RTN1: variants seen among roughly 807,000 people sequenced by gnomAD.
RTN1 encodes reticulon 1, also known as reticulon-1.
Under a neutral mutation model 65.5 loss-of-function variants are expected in RTN1, and 25 were observed. That is an observed-to-expected ratio of 0.38 (90% CI 0.28 to 0.53). The LOEUF is 0.53. RTN1 is among the 20% of genes least tolerant of loss of function. The probability of loss-of-function intolerance (pLI) is 0.79; values close to 1 mark genes in which losing one functional copy is unlikely to be tolerated. For synonymous variants in RTN1, 471 were observed against 447.6 expected (o/e 1.05, Z -0.66); for missense variants, 983 against 1,025.4 (o/e 0.96, Z 0.57).
In RTN1 at chr14:59,727,402, G is replaced by A; in HGVS notation, c.1282C>T (p.Pro428Ser). 6.5e-7 allele frequency: 1 copy of A among 1,546,176 alleles called. No individual in the cohort carries two copies. Among genetic ancestry groups the A allele is most frequent in the Non-Finnish European group, 8.7e-7 (1 of 1,145,992 alleles). Reference protein sequence around the residue: ...EDPMAAEDALPSGYVSFGHVG... With the variant: ...EDPMAAEDALSSGYVSFGHVG... ...TGGCCAAAGCTCACATAGCCTGAGG[G>A]CAGCGCGTCCTCCGCGGCCATGGGG... Residue 428 changes from proline to serine, a missense_variant, in exon 3 of 9, where the codon CCC (proline) becomes TCC (serine). Physicochemically the swap from Pro to Ser is moderately conservative, Grantham distance 74. Coordinates refer to ENST00000267484, the MANE Select transcript of RTN1 (RefSeq NM_021136.3). The surrounding 1 kb of genome is among the most constrained non-coding windows in gnomAD (Gnocchi z 4.2).
intron 3 of RTN1, among the ~76,000 whole-genome samples, chr14:59,720,748 G>A (rs949712159): frequency 6.6e-6 from 1 of 151,716 alleles, no homozygotes; most frequent in Non-Finnish European, 1.5e-5. Context: ...ATACTCTAAG[G>A]TGGAAAATCG....
intron 2 of RTN1, among the ~76,000 whole-genome samples, chr14:59,730,200 T>C (rs2139483439): frequency 6.6e-6 from 1 of 152,344 alleles, no homozygotes; most frequent in Non-Finnish European, 1.5e-5. Flanking sequence ...TGAATGCATG[T>C]CTATTTCATG....
At chr14:59,632,985 C>G (rs1882587829) in intron 3 of RTN1, among the ~76,000 whole-genome samples, 1 of 152,106 alleles carries the variant, frequency 6.6e-6, no homozygotes, top group Non-Finnish European at 1.5e-5. Flanking sequence ...ACCTGTACTC[C>G]TAGCTACTTG....
At chr14:59,633,601 G>A (rs541723447) in intron 3 of RTN1, among the ~76,000 whole-genome samples, 161 of 152,342 alleles carry the variant, frequency 1.1e-3, no homozygotes, top group African/African-American at 3.7e-3. Context: ...TCCTTAAGTG[G>A]TGAAAGAAAA....
intron 1 of RTN1, among the ~76,000 whole-genome samples, chr14:59,788,983 T>C (rs1215400768): frequency 1.3e-5 from 2 of 152,160 alleles, no homozygotes; most frequent in African/African-American, 2.4e-5. Context: ...TCTACTTTTA[T>C]GCCATTTGGT....
At chr14:59,641,137 G>T (rs1370840821) in intron 3 of RTN1, among the ~76,000 whole-genome samples, 1 of 151,730 alleles carries the variant, frequency 6.6e-6, no homozygotes, top group Non-Finnish European at 1.5e-5. Flanking sequence ...TTTTTTGGGG[G>T]GGGTATTTTT....
chr14:59,814,088 C>T (rs1170535242), intron 1 of RTN1, among the ~76,000 whole-genome samples: 1 of 152,184 alleles, frequency 6.6e-6, no homozygotes, highest in Non-Finnish European at 1.5e-5. Flanking sequence ...TCCACAAAGC[C>T]TTATTTGACT....
At chr14:59,725,308 C>G (rs188403210) in intron 3 of RTN1, among the ~76,000 whole-genome samples, 4 of 152,192 alleles carry the variant, frequency 2.6e-5, no homozygotes, top group Non-Finnish European at 4.4e-5. Context: ...ACCGTGCACA[C>G]GGTGACTATC....
chr14:59,619,001 G>A (rs73307682), intron 3 of RTN1, among the ~76,000 whole-genome samples: 1 of 152,320 alleles, frequency 6.6e-6, no homozygotes, highest in East Asian at 1.9e-4. Context: ...TTGTACTGTT[G>A]TAGGTGGCAA....
chr14:59,691,793 TA>T (rs1353522079), intron 3 of RTN1, among the ~76,000 whole-genome samples: 2 of 152,182 alleles, frequency 1.3e-5, no homozygotes. Context: ...TGTGCATTAA[TA>T]AATATGATTC....
At chr14:59,760,185 T>C (rs530502409) in intron 1 of RTN1, among the ~76,000 whole-genome samples, 47 of 152,338 alleles carry the variant, frequency 3.1e-4, no homozygotes, top group African/African-American at 1.0e-3. Flanking sequence ...ATCTCCATTA[T>C]TGAAGATTTC....
rs920656163 is a variant in RTN1 at position 59,849,596 on chromosome 14, T to C, written c.241+20794A>G. 1.3e-5 allele frequency among the ~76,000 whole-genome samples: 2 copies of C among 152,150 alleles called. No homozygotes were observed. The highest frequency in any genetic ancestry group is 2.9e-5 in the Non-Finnish European group (2 of 68,026). ...AGGCCTGACTCAGCCCACTGATTGA[T>C]TTCATTCAGCTGGGGGTGAGAAAGC... On this transcript the variant is annotated intron_variant, in intron 1 of 8. Transcript: ENST00000267484. This position sits in a 1 kb window ranked among gnomAD's most constrained non-coding sequence, Gnocchi z 4.5.
intron 1 of RTN1, among the ~76,000 whole-genome samples, chr14:59,820,629 C>A (rs1315694112): frequency 6.6e-6 from 1 of 152,056 alleles, no homozygotes; most frequent in Non-Finnish European, 1.5e-5. Context: ...TACAGCCAAC[C>A]AGTTATCCCA....
At chr14:59,730,150 A>G (rs1884869178) in intron 2 of RTN1, among the ~76,000 whole-genome samples, 1 of 152,212 alleles carries the variant, frequency 6.6e-6, no homozygotes, top group Non-Finnish European at 1.5e-5. Context: ...AGGACCCTAG[A>G]TGATATAACT....
intron 1 of RTN1, among the ~76,000 whole-genome samples, chr14:59,786,013 G>T (rs1243439845): frequency 6.6e-6 from 1 of 152,088 alleles, no homozygotes; most frequent in Admixed American, 6.5e-5. Context: ...TGGCCACAAG[G>T]CACATAAATT....
intron 5 of RTN1, chr14:59,604,631 C>A (rs1881685903): frequency 6.6e-6 from 1 of 152,280 alleles, no homozygotes; most frequent in African/African-American, 2.4e-5. Flanking sequence ...TTCCTTCTGC[C>A]CTTCTTTGAA....
intron 2 of RTN1, among the ~76,000 whole-genome samples, chr14:59,731,789 C>T (rs34853769): frequency 6.6e-6 from 1 of 152,138 alleles, no homozygotes; most frequent in Non-Finnish European, 1.5e-5. Context: ...TCAGATTTTC[C>T]TCCTAGCTCT....
Position 59,610,116 on chromosome 14 carries a change from T to C in RTN1, c.1766-2624A>G, listed in dbSNP as rs773236203. On this transcript the variant is annotated intron_variant, in intron 3 of 8. Transcript: ENST00000267484. ...GTGAATCCCCTCTGAATGAATTGCT[T>C]TATACCTGGTAGAAATGGCATGCCC... is the stretch of plus-strand genomic sequence containing the variant. The C allele has an allele frequency of 7.7e-6, 6 of 777,522 alleles. No individual in the cohort carries two copies. In the South Asian group the frequency reaches 8.1e-5, roughly 11 times the overall value. 48.2% of individuals were successfully genotyped at this position (777,522 alleles called of 1,614,324 possible). A position where few individuals can be genotyped will look rare whatever the true frequency, so the allele number is the denominator to read the frequency against.
chr14:59,655,013 A>T (rs570182999), intron 3 of RTN1, among the ~76,000 whole-genome samples: 1 of 152,338 alleles, frequency 6.6e-6, no homozygotes, highest in Admixed American at 6.5e-5. Flanking sequence ...AAAATGAAGA[A>T]GTAAAACTAT....
Sources: allele counts gnomAD v4.1 joint callset (sites outside exome capture counted in the v4.1 genomes callset), GRCh38; gene constraint gnomAD v4.1.1; non-coding constraint Gnocchi (gnomAD v3.1); transcripts MANE v1.5; gene names NCBI Gene and HGNC (gene_info 2026-07-23, HGNC 2026-07-21).